The following MYO3A variants were observed in gnomAD, a reference collection of about 807,000 sequenced individuals.
The protein encoded by MYO3A is myosin-IIIa.
In MYO3A, 180 loss-of-function variants were observed where a neutral mutation model predicts 192.7. That is an observed-to-expected ratio of 0.93 (90% CI 0.83 to 1.06). MYO3A has a LOEUF of 1.06. MYO3A is among the 50% of genes least tolerant of loss of function. The pLI is 0.00. For missense variants in MYO3A, 1,896 were observed against 1,905.0 expected (o/e 1.00, Z 0.09); for synonymous variants, 628 against 645.3 (o/e 0.97, Z 0.41).
At chr10:25,992,651 AT>A (rs758344638) in intron 4 of MYO3A, among the ~76,000 whole-genome samples, 2 of 152,190 alleles carry the variant, frequency 1.3e-5, no homozygotes, top group African/African-American at 2.4e-5. Flanking sequence ...TGGGTTTGTC[AT>A]AAATAGCTCA....
chr10:26,088,473 A>T (rs1381387483), intron 15 of MYO3A, 68 bp downstream of exon 15: 7 of 1,435,452 alleles, frequency 4.9e-6, no homozygotes, highest in Middle Eastern at 1.7e-4. Flanking sequence ...TAATAGTAAA[A>T]TGTCTTTCTC....
intron 10 of MYO3A, among the ~76,000 whole-genome samples, chr10:26,047,444 G>A (rs1843695104): frequency 6.6e-6 from 1 of 152,132 alleles, no homozygotes; most frequent in Non-Finnish European, 1.5e-5. Flanking sequence ...CCTAGGATTT[G>A]ACTGAATCCA....
intron 17 of MYO3A, among the ~76,000 whole-genome samples, chr10:26,103,878 G>A (rs1291750313): frequency 6.6e-6 from 1 of 152,166 alleles, no homozygotes; most frequent in African/African-American, 2.4e-5. Context: ...TTTGATTATA[G>A]TGATTCTAGT....
chr10:26,154,056 T>C, intron 24 of MYO3A, 127 bp downstream of exon 24: 1 of 718,628 alleles, frequency 1.4e-6, no homozygotes, highest in Non-Finnish European at 2.5e-6. Flanking sequence ...TGCTTTTCTG[T>C]TTGAACAGAT....
chr10:25,963,233 C>T (rs562224043), intron 4 of MYO3A, among the ~76,000 whole-genome samples: 7 of 152,276 alleles, frequency 4.6e-5, no homozygotes, highest in African/African-American at 1.4e-4. Context: ...TTTCAAAGCA[C>T]GAAAATTCAG....
At chr10:26,059,146 A>T (rs1038597343) in intron 10 of MYO3A, among the ~76,000 whole-genome samples, 1 of 152,024 alleles carries the variant, frequency 6.6e-6, no homozygotes, top group Non-Finnish European at 1.5e-5. Flanking sequence ...AGATAGTTTT[A>T]TTTCTTTCTT....
At chr10:26,194,002 G>A (rs1425854226) in intron 32 of MYO3A, among the ~76,000 whole-genome samples, 1 of 152,120 alleles carries the variant, frequency 6.6e-6, no homozygotes, top group Non-Finnish European at 1.5e-5. Flanking sequence ...CATAAACCAA[G>A]AACCTGGGAG....
intron 15 of MYO3A, among the ~76,000 whole-genome samples, chr10:26,094,890 C>A (rs2131550211): frequency 6.6e-6 from 1 of 152,142 alleles, no homozygotes; most frequent in South Asian, 2.1e-4. Flanking sequence ...GGGCTTTTTT[C>A]CGTTCCATGT....
chr10:26,054,995 C>T (rs1431659966), intron 10 of MYO3A, among the ~76,000 whole-genome samples: 1 of 152,228 alleles, frequency 6.6e-6, no homozygotes, highest in Non-Finnish European at 1.5e-5. Flanking sequence ...CTTCTTCACT[C>T]TGCCCTGTGC....
intron 14 of MYO3A, among the ~76,000 whole-genome samples, chr10:26,077,233 G>GT (rs34464120): frequency 0.23 from 8,176 of 35,972 alleles, 1,358 homozygotes; most frequent in African/African-American, 0.31. Flanking sequence ...TATTCCTAAG[G>GT]TTTTTTTTTT....
intron 34 of MYO3A, among the ~76,000 whole-genome samples, chr10:26,207,087 G>A (rs1413024368): frequency 6.7e-6 from 1 of 149,188 alleles, no homozygotes; most frequent in Non-Finnish European, 1.5e-5. Flanking sequence ...TTTCTAAGTT[G>A]TATCAGTTTC....
intron 8 of MYO3A, chr10:26,022,949 G>C (rs1345328320): frequency 6.6e-6 from 1 of 152,102 alleles, no homozygotes; most frequent in Admixed American, 6.6e-5. Flanking sequence ...TGGTAATATG[G>C]AGAAAAAGGG....
intron 17 of MYO3A, among the ~76,000 whole-genome samples, chr10:26,118,077 A>C (rs868024322): frequency 6.6e-6 from 1 of 151,908 alleles, no homozygotes; most frequent in Non-Finnish European, 1.5e-5. Flanking sequence ...TTTGATTTGC[A>C]TTTCTCTAAT....
At position 26,066,973 on chromosome 10, in the gene MYO3A, A is replaced by G; in HGVS notation, c.954-2A>G. On this transcript the variant is annotated splice_acceptor_variant, in intron 10 of 34. Coordinates refer to ENST00000642920, the MANE Select transcript of MYO3A (RefSeq NM_017433.5). LOFTEE classifies it high-confidence loss of function. ...TAAATCAGAAAGCGTTTTTCTCCAC[A>G]GACGTGAACGTATTCACACGAAGAA... 1 of 1,603,004 alleles carries G rather than the reference A, an allele frequency of 6.2e-7. No homozygotes were observed. The highest frequency in any genetic ancestry group is 1.1e-5 in the South Asian group (1 of 90,904).
At chr10:26,077,251 T>TC in intron 14 of MYO3A, among the ~76,000 whole-genome samples, 1 of 146,944 alleles carries the variant, frequency 6.8e-6, no homozygotes, top group South Asian at 2.2e-4. Flanking sequence ...TTTTTTTTTT[T>TC]TTTTGCAGCT....
chr10:26,107,102 G>T (rs1298536651), intron 17 of MYO3A, among the ~76,000 whole-genome samples: 1 of 151,954 alleles, frequency 6.6e-6, no homozygotes, highest in South Asian at 2.1e-4. Context: ...ATTTCTGGGA[G>T]AGATCTAGTA....
At chr10:26,072,563 G>T (rs915419270) in intron 14 of MYO3A, among the ~76,000 whole-genome samples, 1 of 152,174 alleles carries the variant, frequency 6.6e-6, no homozygotes, top group Non-Finnish European at 1.5e-5. Flanking sequence ...TTATTGTCTG[G>T]ATGTGGTGAT....
intron 14 of MYO3A, among the ~76,000 whole-genome samples, chr10:26,077,766 T>A (rs997212311): frequency 6.6e-6 from 1 of 152,192 alleles, no homozygotes; most frequent in African/African-American, 2.4e-5. Context: ...TTGTGATTTT[T>A]GTTTTTAATT....
At chr10:25,938,486 G>A (rs1339566247) in intron 2 of MYO3A, among the ~76,000 whole-genome samples, 2 of 152,146 alleles carry the variant, frequency 1.3e-5, no homozygotes, top group African/African-American at 4.8e-5. Context: ...GATCATCCTG[G>A]CTACTCTGTG....
Sources: gnomAD v4.1 joint callset for allele counts (sites outside exome capture counted in the v4.1 genomes callset) on GRCh38, gnomAD v4.1.1 for gene constraint, MANE v1.5 for transcripts, NCBI Gene and HGNC (gene_info 2026-07-23, HGNC 2026-07-21) for gene names.